The following PPM1L variants were observed in gnomAD, a reference collection of about 807,000 sequenced individuals.
The protein encoded by PPM1L is protein phosphatase 1L.
PPM1L carries 13 observed loss-of-function variants against 31.4 expected under a neutral mutation model. The observed-to-expected ratio is 0.41, with a 90% CI of 0.27 to 0.66. The LOEUF (loss-of-function observed/expected upper bound fraction) is 0.66. Ranked by LOEUF, PPM1L falls within the 30% of genes least tolerant of loss-of-function variation. The pLI is 0.29. For synonymous variants in PPM1L, 184 were observed against 175.4 expected, an observed-to-expected ratio of 1.05 and a Z score of -0.39; for missense variants, 326 against 453.7, an observed-to-expected ratio of 0.72 and a Z score of 2.56.
intron 2 of PPM1L, among the ~76,000 whole-genome samples, chr3:161,043,149 C>T (rs185689576): frequency 1.3e-4 from 20 of 151,334 alleles, no homozygotes; most frequent in African/African-American, 4.6e-4. Flanking sequence ...TAGAGTGAAT[C>T]CAAAAGGGCA....
At chr3:160,925,649 T>A (rs1231677383) in intron 1 of PPM1L, among the ~76,000 whole-genome samples, 1 of 152,164 alleles carries the variant, frequency 6.6e-6, no homozygotes, top group East Asian at 1.9e-4. Flanking sequence ...CTCTACCATA[T>A]GTTTTGAGAA....
At chr3:160,972,726 G>T (rs1487815038) in intron 2 of PPM1L, among the ~76,000 whole-genome samples, 16 of 152,158 alleles carry the variant, frequency 1.1e-4, no homozygotes, top group Admixed American at 2.0e-4. Context: ...GTAATGGGAT[G>T]GCTGGGTCAA....
At chr3:161,045,782 T>C (rs981166350) in intron 2 of PPM1L, among the ~76,000 whole-genome samples, 10 of 151,992 alleles carry the variant, frequency 6.6e-5, no homozygotes, top group African/African-American at 2.4e-4. Flanking sequence ...AGAGTAGAAC[T>C]GAAGGAGATA....
At chr3:160,874,273 T>C (rs1371884433) in intron 1 of PPM1L, among the ~76,000 whole-genome samples, 1 of 152,090 alleles carries the variant, frequency 6.6e-6, no homozygotes, top group Admixed American at 6.5e-5. Context: ...GTGTTGAGAG[T>C]CCAGCGACAT....
intron 2 of PPM1L, among the ~76,000 whole-genome samples, chr3:160,981,811 G>A (rs1055492245): frequency 2.6e-5 from 4 of 151,406 alleles, no homozygotes; most frequent in African/African-American, 9.7e-5. Context: ...CGCTCAGGCT[G>A]GAGTACAATG....
intron 1 of PPM1L, among the ~76,000 whole-genome samples, chr3:160,840,223 G>A (rs1713830480): frequency 6.6e-6 from 1 of 152,150 alleles, no homozygotes; most frequent in African/African-American, 2.4e-5. Flanking sequence ...ACCAAGTGCA[G>A]CCTTAAGAAT....
At chr3:160,955,412 A>C (rs1396244720) in intron 1 of PPM1L, among the ~76,000 whole-genome samples, 2 of 152,050 alleles carry the variant, frequency 1.3e-5, no homozygotes, top group Non-Finnish European at 2.9e-5. Context: ...CTCTCCCTAA[A>C]GGCTGTTTAG....
At chr3:160,942,199 C>A (rs1326514358) in intron 1 of PPM1L, among the ~76,000 whole-genome samples, 3 of 152,190 alleles carry the variant, frequency 2.0e-5, no homozygotes, top group African/African-American at 7.2e-5. Flanking sequence ...CTGGTAGTTT[C>A]CAGAAGTGTA....
At chr3:160,769,302 C>T (rs984138394) in intron 1 of PPM1L, among the ~76,000 whole-genome samples, 2 of 152,138 alleles carry the variant, frequency 1.3e-5, no homozygotes, top group African/African-American at 2.4e-5. Context: ...TTGTTCTGCA[C>T]GTTAGTAACC....
At chr3:160,954,904 CTTCCTTCCTTCCTTCCTTCT>C (rs1202682415) in intron 1 of PPM1L, among the ~76,000 whole-genome samples, 45 of 123,072 alleles carry the variant, frequency 3.7e-4, no homozygotes, top group Middle Eastern at 4.4e-3. Flanking sequence ...TTCTTCCTTC[CTTCCTTCCTTCCTTCCTTCT>C]TTCCTTCCTT....
intron 1 of PPM1L, among the ~76,000 whole-genome samples, chr3:160,788,190 TA>T (rs1711990122): frequency 6.6e-6 from 1 of 152,186 alleles, no homozygotes; most frequent in Admixed American, 6.5e-5. Context: ...ATTGAATCTG[TA>T]AATTGCTTTG....
chr3:160,971,564 T>G (rs957929167), intron 2 of PPM1L, among the ~76,000 whole-genome samples: 1 of 152,182 alleles, frequency 6.6e-6, no homozygotes, highest in African/African-American at 2.4e-5. Context: ...GGTTTGGAAT[T>G]GGTAAAGAGT....
intron 2 of PPM1L, among the ~76,000 whole-genome samples, chr3:161,030,109 T>A (rs1407364561): frequency 6.6e-6 from 1 of 152,200 alleles, no homozygotes; most frequent in Admixed American, 6.5e-5. Context: ...CATTTTACAG[T>A]TTCCAAATCA....
intron 1 of PPM1L, among the ~76,000 whole-genome samples, chr3:160,951,567 T>G (rs921765895): frequency 6.6e-6 from 1 of 152,202 alleles, no homozygotes; most frequent in Non-Finnish European, 1.5e-5. Context: ...TACAAAAACA[T>G]CCATCTGCAA....
chr3:160,844,859 C>A (rs1221975540), intron 1 of PPM1L, among the ~76,000 whole-genome samples: 1 of 151,902 alleles, frequency 6.6e-6, no homozygotes, highest in African/African-American at 2.4e-5. Flanking sequence ...TTTTCATCAC[C>A]CCAAGCAGAA....
rs559861623 is a variant in PPM1L, at chr3:161,057,865, T to G, written c.575-7538T>G. Among the ~76,000 whole-genome samples the G allele has an allele frequency of 2.6e-5, 4 of 152,002 alleles. No homozygotes were observed. The South Asian group carries it at 8.3e-4, about 32-fold the overall frequency. ...CCCTTCCTTAGAGCCAGAAAATGTTTTAGAACCCAGGTTCCCATCAAAAGT... is the reference window on the plus strand; with the variant it reads ...CCCTTCCTTAGAGCCAGAAAATGTTGTAGAACCCAGGTTCCCATCAAAAGT... On this transcript the variant is annotated intron_variant, in intron 2 of 3. Coordinates refer to ENST00000498165, the MANE Select transcript of PPM1L (RefSeq NM_139245.4).
At chr3:161,057,835 GCTTGCC>G (rs1472701582) in intron 2 of PPM1L, among the ~76,000 whole-genome samples, 1 of 151,838 alleles carries the variant, frequency 6.6e-6, no homozygotes, top group African/African-American at 2.4e-5. Context: ...TTGTCATCAT[GCTTGCC>G]CTTCCTTAGA....
chr3:160,847,795 G>T (rs1714127736), intron 1 of PPM1L, among the ~76,000 whole-genome samples: 1 of 152,082 alleles, frequency 6.6e-6, no homozygotes, highest in Non-Finnish European at 1.5e-5. Flanking sequence ...TCTCAGATTG[G>T]GACCAATATT....
chr3:160,916,443 T>C (rs115316557), intron 1 of PPM1L, among the ~76,000 whole-genome samples: 128 of 152,328 alleles, frequency 8.4e-4, no homozygotes, highest in African/African-American at 2.8e-3. Context: ...TTCAGTGCAT[T>C]ACTGTAATAA....
Sources: allele counts gnomAD v4.1 joint callset (sites outside exome capture counted in the v4.1 genomes callset), GRCh38; gene constraint gnomAD v4.1.1; transcripts MANE v1.5; gene names NCBI Gene and HGNC (gene_info 2026-07-23, HGNC 2026-07-21).